Variants in CRPPA observed in about 807,000 individuals in gnomAD.
CRPPA encodes CDP-L-ribitol pyrophosphorylase A, also known as D-ribitol-5-phosphate cytidylyltransferase.
CRPPA carries 43 observed loss-of-function variants against 52.0 expected under a neutral mutation model. The observed-to-expected ratio is 0.83, with a 90% CI of 0.65 to 1.07. CRPPA has a LOEUF of 1.07. CRPPA is among the 50% of genes least tolerant of loss of function. CRPPA has a pLI of 0.00. For missense variants in CRPPA, 629 were observed against 551.7 expected (o/e 1.14, Z -1.40); for synonymous variants, 250 against 203.5 (o/e 1.23, Z -1.94).
intron 6 of CRPPA, among the ~76,000 whole-genome samples, chr7:16,271,127 T>C (rs993064960): frequency 2.0e-5 from 3 of 152,030 alleles, no homozygotes; most frequent in African/African-American, 7.2e-5. Context: ...TTAAATTACG[T>C]CCTCCAGGAA....
At chr7:16,391,061 A>G (rs1021970775) in intron 2 of CRPPA, among the ~76,000 whole-genome samples, 2 of 152,166 alleles carry the variant, frequency 1.3e-5, no homozygotes, top group African/African-American at 4.8e-5. Flanking sequence ...TATCCAGCCC[A>G]GAATTCTCTT....
intron 9 of CRPPA, among the ~76,000 whole-genome samples, chr7:16,155,626 T>C (rs7781626): frequency 3.5e-4 from 54 of 152,368 alleles, no homozygotes; most frequent in African/African-American, 1.2e-3. Flanking sequence ...TTAATAACAT[T>C]TTCTTTAACT....
chr7:16,225,031 A>T (rs776151307), intron 8 of CRPPA, among the ~76,000 whole-genome samples: 8 of 152,104 alleles, frequency 5.3e-5, no homozygotes, highest in Non-Finnish European at 5.9e-5. Flanking sequence ...TACAGGCAAA[A>T]CTAAATGGAG....
chr7:16,128,734 G>C (rs1782627429), intron 9 of CRPPA, among the ~76,000 whole-genome samples: 1 of 152,090 alleles, frequency 6.6e-6, no homozygotes, highest in South Asian at 2.1e-4. Flanking sequence ...AACCACTTCA[G>C]TAGAATTCTG....
chr7:16,290,890 A>G (rs189961064), intron 5 of CRPPA, among the ~76,000 whole-genome samples: 1 of 152,174 alleles, frequency 6.6e-6, no homozygotes, highest in East Asian at 1.9e-4. Context: ...CTTTCATTCA[A>G]CAAGGTACTA....
intron 9 of CRPPA, among the ~76,000 whole-genome samples, chr7:16,184,261 A>G (rs1781464856): frequency 6.6e-6 from 1 of 152,146 alleles, no homozygotes; most frequent in African/African-American, 2.4e-5. Context: ...TCATAGCAGT[A>G]TGAAAATGGA....
At chr7:16,199,395 G>T (rs1228139898) in intron 9 of CRPPA, among the ~76,000 whole-genome samples, 1 of 151,930 alleles carries the variant, frequency 6.6e-6, no homozygotes, top group African/African-American at 2.4e-5. Context: ...ATGTGTAAAG[G>T]TTATGTCCAA....
intron 9 of CRPPA, among the ~76,000 whole-genome samples, chr7:16,142,596 A>G (rs748507214): frequency 3.3e-5 from 5 of 152,198 alleles, no homozygotes; most frequent in Admixed American, 6.5e-5. Flanking sequence ...AATCTGTGAT[A>G]AGGGTTTTCC....
At chr7:16,397,014 T>G (rs1181152082) in intron 2 of CRPPA, among the ~76,000 whole-genome samples, 1 of 151,818 alleles carries the variant, frequency 6.6e-6, no homozygotes, top group Non-Finnish European at 1.5e-5. Context: ...CTGACACGTG[T>G]GAAACATGTG....
intron 9 of CRPPA, among the ~76,000 whole-genome samples, chr7:16,092,657 C>T (rs1161446074): frequency 1.3e-5 from 2 of 152,136 alleles, no homozygotes; most frequent in Admixed American, 6.6e-5. Flanking sequence ...AAGTCTTGCC[C>T]TCTTATACTT....
chr7:16,247,255 T>A (rs954322159), intron 8 of CRPPA, among the ~76,000 whole-genome samples: 1 of 152,220 alleles, frequency 6.6e-6, no homozygotes, highest in Admixed American at 6.5e-5. Context: ...TGAAGGGAAT[T>A]AGGGCCTTCC....
At chr7:16,354,086 A>C (rs1369979950) in intron 3 of CRPPA, among the ~76,000 whole-genome samples, 4 of 152,192 alleles carry the variant, frequency 2.6e-5, no homozygotes, top group African/African-American at 7.2e-5. Flanking sequence ...ATAGAAAAAA[A>C]AATTGAGTTC....
chr7:16,410,430 G>T (rs1194149017), intron 1 of CRPPA, among the ~76,000 whole-genome samples: 1 of 152,190 alleles, frequency 6.6e-6, no homozygotes, highest in Non-Finnish European at 1.5e-5. Flanking sequence ...GTGAGTGACA[G>T]TTCTTCAATC....
chr7:16,266,544 T>C (rs1410191918), intron 6 of CRPPA, among the ~76,000 whole-genome samples: 1 of 151,542 alleles, frequency 6.6e-6, no homozygotes. Context: ...AGTCGTATCA[T>C]CTTGGCTCAC....
At chr7:16,093,354 T>G (rs1379532939) in intron 9 of CRPPA, among the ~76,000 whole-genome samples, 1 of 152,166 alleles carries the variant, frequency 6.6e-6, no homozygotes, top group Admixed American at 6.5e-5. Context: ...ATTTGCATAT[T>G]TAGCCTAAAG....
rs910358510 is a variant in CRPPA, at chr7:16,171,725, G to A, written c.1251+44341C>T. 7.9e-5 allele frequency among the ~76,000 whole-genome samples: 12 copies of A among 152,250 alleles called. No individual in the cohort carries two copies. The Middle Eastern group carries it at 0.014, about 173-fold the overall frequency. On this transcript the variant is annotated intron_variant, in intron 9 of 9. Transcript: ENST00000407010. ...GGAGAACTGCGTGAACCCAGGAGGC[G>A]GAGCTTGCAGTGAGCCGAGACTGTG...
intron 9 of CRPPA, among the ~76,000 whole-genome samples, chr7:16,182,534 A>C (rs1781431636): frequency 6.6e-6 from 1 of 152,140 alleles, no homozygotes; most frequent in East Asian, 1.9e-4. Flanking sequence ...AAATTATCCA[A>C]AACAAAACTC....
chr7:16,263,914 C>G (rs1783885105), intron 6 of CRPPA, among the ~76,000 whole-genome samples: 1 of 152,136 alleles, frequency 6.6e-6, no homozygotes. Context: ...TAAACTAAGA[C>G]AGAAATGCAT....
chr7:16,347,098 A>G (rs1786031796), intron 3 of CRPPA, among the ~76,000 whole-genome samples: 1 of 152,124 alleles, frequency 6.6e-6, no homozygotes, highest in South Asian at 2.1e-4. Context: ...GATGCTTTAC[A>G]TAGGTTAGCT....
Sources: allele counts gnomAD v4.1 joint callset (sites outside exome capture counted in the v4.1 genomes callset), GRCh38; gene constraint gnomAD v4.1.1; transcripts MANE v1.5; gene names NCBI Gene and HGNC (gene_info 2026-07-23, HGNC 2026-07-21).